The following EIF4ENIF1 variants were observed in gnomAD, a reference collection of about 807,000 sequenced individuals.
EIF4ENIF1 encodes eukaryotic translation initiation factor 4E transporter.
In EIF4ENIF1, 23 loss-of-function variants were observed where a neutral mutation model predicts 110.5. The ratio of observed to expected loss-of-function variants is 0.21; its 90% CI spans 0.15 to 0.29. The LOEUF (loss-of-function observed/expected upper bound fraction) is 0.29, where lower values mean the gene tolerates loss of function less well. Among genes scored for constraint, EIF4ENIF1 ranks in the 10% least tolerant of loss-of-function variants. EIF4ENIF1 has a pLI of 1.00. For missense variants in EIF4ENIF1, 1,031 were observed against 1,221.1 expected (o/e 0.84, Z 2.32); for synonymous variants, 440 against 437.0 (o/e 1.01, Z -0.09).
Position 31,488,640 on chromosome 22 carries a change from G to A in EIF4ENIF1, c.79C>T (p.Pro27Ser). Residue 27 changes from proline (P) to serine (S), a missense_variant, in exon 2 of 19, where the codon CCC (proline) becomes TCC (serine). Physicochemically the swap from Pro to Ser is moderately conservative, Grantham distance 74. Transcript: ENST00000330125. Reference sequence around the variant, plus strand: ...AACCTTACTTTTGTATAGCGATGGGGGCATTTGGAGGCAGGAGGCTTCTTC... The same window carrying A: ...AACCTTACTTTTGTATAGCGATGGGAGCATTTGGAGGCAGGAGGCTTCTTC... Reference protein sequence around the residue: ...DLKKPPASKCPHRYTKEELLD... With the variant: ...DLKKPPASKCSHRYTKEELLD... 1 of 1,613,788 alleles carries A rather than the reference G, an allele frequency of 6.2e-7. No individual in the cohort carries two copies. The highest frequency in any genetic ancestry group is 8.5e-7 in the Non-Finnish European group (1 of 1,179,948).
chr22:31,466,175 G>A (rs1569090498), intron 4 of EIF4ENIF1, among the ~76,000 whole-genome samples: 1 of 152,206 alleles, frequency 6.6e-6, no homozygotes, highest in African/African-American at 2.4e-5. Flanking sequence ...CACTTTGGGA[G>A]GCTGAGGTGG....
chr22:31,457,302 G>C (rs1008047537), intron 7 of EIF4ENIF1, among the ~76,000 whole-genome samples: 28 of 152,162 alleles, frequency 1.8e-4, no homozygotes, highest in African/African-American at 6.5e-4. Context: ...TAGAAATTAT[G>C]AAATAGTGCC....
intron 2 of EIF4ENIF1, among the ~76,000 whole-genome samples, chr22:31,484,623 C>G (rs947498020): frequency 6.6e-6 from 1 of 151,872 alleles, no homozygotes; most frequent in African/African-American, 2.4e-5. Flanking sequence ...CACCTGAGGT[C>G]GGGAGTTTGA....
chr22:31,485,129 C>T (rs1388623993), intron 2 of EIF4ENIF1, among the ~76,000 whole-genome samples: 1 of 152,164 alleles, frequency 6.6e-6, no homozygotes, highest in Non-Finnish European at 1.5e-5. Context: ...CCTAACACTG[C>T]CTAAACACTA....
intron 12 of EIF4ENIF1, among the ~76,000 whole-genome samples, chr22:31,448,936 A>T (rs1365786267): frequency 6.6e-6 from 1 of 152,230 alleles, no homozygotes; most frequent in Non-Finnish European, 1.5e-5. Context: ...ATAAAAAAAA[A>T]ATCTATAACA....
At chr22:31,467,002 T>C (rs1307585814) in intron 4 of EIF4ENIF1, among the ~76,000 whole-genome samples, 3 of 152,180 alleles carry the variant, frequency 2.0e-5, no homozygotes, top group African/African-American at 4.8e-5. Flanking sequence ...CAGGATACAA[T>C]ATGGAGAGTT....
intron 2 of EIF4ENIF1, among the ~76,000 whole-genome samples, chr22:31,476,098 C>T (rs1047437030): frequency 1.3e-5 from 2 of 152,176 alleles, no homozygotes; most frequent in African/African-American, 4.8e-5. Context: ...AATACTTATA[C>T]ATAATGCTAC....
In EIF4ENIF1 at chr22:31,439,472, C is replaced by A; in HGVS notation, c.*408G>T. 6.1e-6 allele frequency: 1 copy of A among 162,860 alleles called. No individual in the cohort carries two copies. The highest frequency in any genetic ancestry group is 5.9e-5 in the Admixed American group (1 of 17,046). The allele number at this position is 162,860 out of a possible 1,614,324, so 10.1% of individuals were successfully genotyped here. The stretch of plus-strand genomic sequence containing the variant: ...TTGACACAGGCCTAACTAATATCAG[C>A]TACTTTTATGTACAGCTGTATAGTT... On this transcript the variant is annotated 3_prime_UTR_variant, in exon 19 of 19. Transcript: ENST00000330125.
chr22:31,493,108 A>T (rs2052297884), upstream of EIF4ENIF1, among the ~76,000 whole-genome samples: 1 of 148,908 alleles, frequency 6.7e-6, no homozygotes, highest in African/African-American at 2.5e-5. Flanking sequence ...ATCTCGGCTC[A>T]CTGCAAGCTC....
intron 17 of EIF4ENIF1, among the ~76,000 whole-genome samples, chr22:31,441,297 G>GGACCA (rs1475113934): frequency 1.4e-4 from 21 of 151,934 alleles, no homozygotes; most frequent in Admixed American, 1.2e-3. Flanking sequence ...TGACACTTTG[G>GGACCA]GAGGCCGATG....
At chr22:31,442,149 C>G (rs776642525) in intron 16 of EIF4ENIF1, 31 bp from the exon 17 acceptor site, 1 of 1,540,252 alleles carries the variant, frequency 6.5e-7, no homozygotes, top group Non-Finnish European at 8.9e-7. Flanking sequence ...AATATTTTGG[C>G]AAACCTCTCC....
chr22:31,485,251 T>C (rs752491250), intron 2 of EIF4ENIF1, among the ~76,000 whole-genome samples: 23 of 152,174 alleles, frequency 1.5e-4, no homozygotes, highest in Non-Finnish European at 2.8e-4. Context: ...AGCTAAAAAA[T>C]GCTTTTAACC....
At chr22:31,455,398 T>A in intron 8 of EIF4ENIF1, 83 bp from the exon 9 acceptor site, 1 of 1,003,028 alleles carries the variant, frequency 1.0e-6, no homozygotes, top group Non-Finnish European at 1.3e-6. Flanking sequence ...TTTCTTTCTT[T>A]TTTTTTTTTT....
intron 3 of EIF4ENIF1, among the ~76,000 whole-genome samples, 174 bp from the exon 4 acceptor site, chr22:31,468,476 C>CCT (rs1359870965): frequency 1.3e-5 from 2 of 152,140 alleles, no homozygotes; most frequent in African/African-American, 4.8e-5. Context: ...CTCACTGCAC[C>CCT]CTCTGCCTCC....
At chr22:31,483,209 CT>C (rs60986284) in intron 2 of EIF4ENIF1, among the ~76,000 whole-genome samples, 1,727 of 89,462 alleles carry the variant, frequency 0.019, 27 homozygotes, top group African/African-American at 0.059. Context: ...AGGAGACGAT[CT>C]TTTTTTTTTT....
intron 3 of EIF4ENIF1, among the ~76,000 whole-genome samples, chr22:31,470,292 T>A (rs565319538): frequency 3.3e-5 from 5 of 152,164 alleles, no homozygotes; most frequent in African/African-American, 1.2e-4. Context: ...GTTGTTTTGT[T>A]TTTTTTGAGA....
chr22:31,485,751 C>T (rs1370888580), intron 2 of EIF4ENIF1, among the ~76,000 whole-genome samples: 1 of 151,828 alleles, frequency 6.6e-6, no homozygotes, highest in Admixed American at 6.6e-5. Context: ...TTGCAGTGAG[C>T]CAAGATCGTG....
At chr22:31,470,022 G>C (rs80332010) in intron 3 of EIF4ENIF1, among the ~76,000 whole-genome samples, 6,043 of 151,812 alleles carry the variant, frequency 0.04, 288 homozygotes, top group African/African-American at 0.096. Flanking sequence ...AAATTAGCCA[G>C]GTGTGGTGGT....
rs2051419933 is a variant in EIF4ENIF1, at chr22:31,472,584, A to C, written c.97-667T>G. ...GGGCCGGGGGGCGATAGTTTTTTTT[A>C]AATGTAATGTTGCAAGACTGAAAAA... is the stretch of plus-strand genomic sequence containing the variant. On this transcript the variant is annotated intron_variant, in intron 2 of 18. Coordinates refer to ENST00000330125, the MANE Select transcript of EIF4ENIF1 (RefSeq NM_019843.4). Among the ~76,000 whole-genome samples, 4 of 152,108 alleles carry C rather than the reference A, an allele frequency of 2.6e-5. No individual in the cohort carries two copies. The South Asian group carries it at 8.3e-4, about 32-fold the overall frequency.
Sources: gnomAD v4.1 joint callset for allele counts (sites outside exome capture counted in the v4.1 genomes callset) on GRCh38, gnomAD v4.1.1 for gene constraint, MANE v1.5 for transcripts, NCBI Gene and HGNC (gene_info 2026-07-23, HGNC 2026-07-21) for gene names.